The following CPSF6 variants were observed in gnomAD, a reference collection of about 807,000 sequenced individuals.
CPSF6 encodes the protein cleavage and polyadenylation specific factor 6, also known as cleavage and polyadenylation specificity factor subunit 6.
Under a neutral mutation model 56.7 loss-of-function variants are expected in CPSF6, and 10 were observed. The ratio of observed to expected loss-of-function variants is 0.18; its 90% CI spans 0.11 to 0.30. The LOEUF (loss-of-function observed/expected upper bound fraction) is 0.30, where lower values mean the gene tolerates loss of function less well. CPSF6 is among the 10% of genes least tolerant of loss of function. The pLI, the probability that CPSF6 is intolerant of heterozygous loss-of-function variation, is 1.00. For synonymous variants in CPSF6, 248 were observed against 244.8 expected (o/e 1.01, Z -0.12); for missense variants, 419 against 722.9 (o/e 0.58, Z 4.82).
chr12:69,262,517 T>C lies in CPSF6; in HGVS notation c.1614T>C (p.Arg538=). 1 of 1,613,368 alleles carries C rather than the reference T, an allele frequency of 6.2e-7. No homozygotes were observed. Among genetic ancestry groups the C allele is most frequent in the Non-Finnish European group, 8.5e-7 (1 of 1,179,456 alleles). The change falls in exon 9 of 10, where the codon CGT becomes CGC. Residue 538 remains arginine, a synonymous_variant. Coordinates refer to ENST00000435070, the MANE Select transcript of CPSF6 (RefSeq NM_007007.3). ...GGCACCGGGATCGTGACCGAGACCG[T>C]GACCGAGAGCGTGACCGAGAGCGCG... ...RERHRDRDRD[R]DRERDREREY...
chr12:69,239,589 C>CGCGGCGGGCAGACCTGCAGGAGGCG lies in CPSF6; in HGVS notation c.-50_-26dup. On this transcript the variant is annotated 5_prime_UTR_variant, in exon 1 of 10. Coordinates refer to ENST00000435070, the MANE Select transcript of CPSF6 (RefSeq NM_007007.3). ...CCGCCGCTAGATCCGCTGCTGCTGCCGCGGCGGGCAGACCTGCAGGAGGCG... is the reference window on the plus strand; with the variant it reads ...CCGCCGCTAGATCCGCTGCTGCTGCCGCGGCGGGCAGACCTGCAGGAGGCGGCGGCGGGCAGACCTGCAGGAGGCG... The CGCGGCGGGCAGACCTGCAGGAGGCG allele has an allele frequency of 6.6e-7, 1 of 1,513,660 alleles. No individual in the cohort carries two copies. The highest frequency in any genetic ancestry group is 8.8e-7 in the Non-Finnish European group (1 of 1,131,780). The allele number at this position is 1,513,660 out of a possible 1,614,324, so 93.8% of individuals were successfully genotyped here. A position where few individuals can be genotyped will look rare whatever the true frequency, so the allele number is the denominator to read the frequency against.
intron 9 of CPSF6, among the ~76,000 whole-genome samples, chr12:69,266,907 T>C (rs1873016059): frequency 6.6e-6 from 1 of 152,138 alleles, no homozygotes; most frequent in South Asian, 2.1e-4. Context: ...TGAAATGTTT[T>C]GGTAGCAAGA....
Position 69,274,109 on chromosome 12 carries a change from C to CTTTTTTTTTT in CPSF6, c.*4610_*4619dup, listed in dbSNP as rs3051104. On this transcript the variant is annotated 3_prime_UTR_variant, in exon 10 of 10. Transcript: ENST00000435070. ...GTAAGGTGATAATTGATCTAATAGACTTTTTTTTTTTTTTTTTTGCTGTCC... is the reference window on the plus strand; with the variant it reads ...GTAAGGTGATAATTGATCTAATAGACTTTTTTTTTTTTTTTTTTTTTTTTTTTTGCTGTCC... 1.0e-4 allele frequency: 12 copies of CTTTTTTTTTT among 119,084 alleles called. No homozygotes were observed. The highest frequency in any genetic ancestry group is 2.3e-4 in the African/African-American group (7 of 30,600). The allele number at this position is 119,084 out of a possible 1,614,324, so 7.4% of individuals were successfully genotyped here. A position where few individuals can be genotyped will look rare whatever the true frequency, so the allele number is the denominator to read the frequency against.
In CPSF6 at chr12:69,256,837, G is replaced by A; in HGVS notation, c.515G>A (p.Arg172Lys). ...QFLSQFEMQS[R>K]KTTQSGQMSG... ...CTGAGTCAATTTGAAATGCAGTCCAGGAAAAGTAAGCAGTCCTCAGAGGCT... is the reference window on the plus strand; with the variant it reads ...CTGAGTCAATTTGAAATGCAGTCCAAGAAAAGTAAGCAGTCCTCAGAGGCT... The change falls in exon 4 of 10, where the codon AGG (arginine) becomes AAG (lysine). Residue 172 changes from arginine to lysine, a missense_variant. Arg to Lys is a conservative substitution (Grantham distance 26). Around this residue, in one of 4 missense-constraint regions of CPSF6, gnomAD observed 125 missense variants for 216.4 expected, o/e 0.58. Coordinates refer to ENST00000435070, the MANE Select transcript of CPSF6 (RefSeq NM_007007.3). 6.2e-7 allele frequency: 1 copy of A among 1,605,404 alleles called. No individual in the cohort carries two copies. Among genetic ancestry groups the A allele is most frequent in the South Asian group, 1.1e-5 (1 of 89,250 alleles).
intron 9 of CPSF6, 36 bp from the exon 10 acceptor site, chr12:69,269,476 A>G: frequency 2.2e-6 from 1 of 452,320 alleles, no homozygotes; most frequent in Non-Finnish European, 4.4e-6. Flanking sequence ...TTTGGGGAAT[A>G]GCAAAATCTA....
intron 1 of CPSF6, among the ~76,000 whole-genome samples, chr12:69,240,188 C>T (rs534200577): frequency 2.0e-5 from 3 of 152,186 alleles, no homozygotes; most frequent in South Asian, 4.1e-4. Context: ...TTCCTCCCAT[C>T]GCTCCATTTT....
At chr12:69,269,184 G>T (rs780573633) in intron 9 of CPSF6, among the ~76,000 whole-genome samples, 5 of 151,772 alleles carry the variant, frequency 3.3e-5, no homozygotes, top group Non-Finnish European at 4.4e-5. Context: ...TATTTTTGTA[G>T]TATGCATATT....
In CPSF6 at chr12:69,274,003, A is replaced by C. The variant is rs573224144; in HGVS notation, c.*4495A>C. 6.6e-6 allele frequency: 1 copy of C among 152,056 alleles called. No individual in the cohort carries two copies. The highest frequency in any genetic ancestry group is 2.1e-4 in the South Asian group (1 of 4,828). The allele number at this position is 152,056 out of a possible 1,614,324, so 9.4% of individuals were successfully genotyped here. On this transcript the variant is annotated 3_prime_UTR_variant, in exon 10 of 10. Transcript: ENST00000435070. The stretch of plus-strand genomic sequence containing the variant: ...TCACAGTTTGTAAATAATTTGTTTA[A>C]TATCAGAAGGCCAAAGAAAGTCTTA...
rs1319650319 is a variant in CPSF6 at position 69,256,742 on chromosome 12, A to G, written c.420A>G (p.Leu140=). 1.2e-6 allele frequency: 2 copies of G among 1,613,970 alleles called. No homozygotes were observed. Among genetic ancestry groups the G allele is most frequent in the Non-Finnish European group, 8.5e-7 (1 of 1,179,920 alleles). The part of the protein sequence containing the change: ...GVGSEASSKK[L]MDLLPKRELH... ...GATCTGAAGCATCTTCAAAAAAGTT[A>G]ATGGATCTGTTACCTAAAAGAGAAC... is the stretch of plus-strand genomic sequence containing the variant. Residue 140 remains leucine (L), a synonymous_variant, in exon 4 of 10, where the codon TTA becomes TTG. Coordinates refer to ENST00000435070, the MANE Select transcript of CPSF6 (RefSeq NM_007007.3).
intron 1 of CPSF6, among the ~76,000 whole-genome samples, chr12:69,247,129 T>A (rs867838788): frequency 1.4e-5 from 2 of 146,938 alleles, no homozygotes; most frequent in South Asian, 2.2e-4. Flanking sequence ...AGGGAAAAAA[T>A]GTCTAAAAGT....
In CPSF6 at chr12:69,258,866, C is replaced by A; in HGVS notation, c.971C>A (p.Pro324Gln). 6.2e-7 allele frequency: 1 copy of A among 1,614,166 alleles called. No homozygotes were observed. Residue 324 changes from proline (P) to glutamine (Q), a missense_variant, in exon 6 of 10, where the codon CCA becomes CAA. Transcript: ENST00000435070. This position sits in a 1 kb window ranked among gnomAD's most constrained non-coding sequence, Gnocchi z 4.2. ...CCACCTCCACCTCCAGGCCCCTTTC[C>A]ACCTCGTCCACCCGGTCCACTTGGG... is the stretch of plus-strand genomic sequence containing the variant. Reference protein sequence around the residue: ...QGPPPPPGPFPPRPPGPLGPP... With the variant: ...QGPPPPPGPFQPRPPGPLGPP...
chr12:69,246,716 T>C (rs984462774), intron 1 of CPSF6, among the ~76,000 whole-genome samples: 1 of 152,186 alleles, frequency 6.6e-6, no homozygotes, highest in African/African-American at 2.4e-5. Flanking sequence ...AAATGTAACT[T>C]CCCCCCTTCA....
intron 2 of CPSF6, among the ~76,000 whole-genome samples, chr12:69,251,864 T>G (rs932172672): frequency 6.6e-6 from 1 of 152,194 alleles, no homozygotes; most frequent in Non-Finnish European, 1.5e-5. Flanking sequence ...GATTATTGAT[T>G]TAGAGCTTCA....
chr12:69,259,089 T>G lies in CPSF6; in HGVS notation c.1194T>G (p.Pro398=). 6.3e-7 allele frequency: 1 copy of G among 1,598,990 alleles called. No homozygotes were observed. Among genetic ancestry groups the G allele is most frequent in the Non-Finnish European group, 8.5e-7 (1 of 1,178,492 alleles). Residue 398 remains proline (P), a synonymous_variant, in exon 6 of 10, where the codon CCT becomes CCG. Transcript: ENST00000435070. ...ATGATAGGGGTGACTATGGCCCCCC[T>G]GGAAGGTAAGTTAGTGTGTATCTGT... is the stretch of plus-strand genomic sequence containing the variant. ...PPYDRGDYGP[P]GREMDTARTP... is the part of the protein sequence containing the mutation.
chr12:69,253,169 T>TG lies in CPSF6; in HGVS notation c.374+15_374+16insG, dbSNP rs1251082489. 1.5e-6 allele frequency: 2 copies of TG among 1,368,482 alleles called. No individual in the cohort carries two copies. Among genetic ancestry groups the TG allele is most frequent in the Non-Finnish European group, 2.0e-6 (2 of 981,514 alleles). The allele number at this position is 1,368,482 out of a possible 1,614,324, so 84.8% of individuals were successfully genotyped here. A position where few individuals can be genotyped will look rare whatever the true frequency, so the allele number is the denominator to read the frequency against. On this transcript the variant is annotated intron_variant, in intron 3 of 9. Coordinates refer to ENST00000435070, the MANE Select transcript of CPSF6 (RefSeq NM_007007.3). Reference sequence around the variant, plus strand: ...CAGTCAAAGGGGTAAGTTTTTTTTTTCTTTCTTTTTGATTTAGTAGCTAGT... The same window carrying TG: ...CAGTCAAAGGGGTAAGTTTTTTTTTTGCTTTCTTTTTGATTTAGTAGCTAGT...
Position 69,270,819 on chromosome 12 carries a change from G to A in CPSF6, c.*1311G>A, listed in dbSNP as rs888715476. The A allele has an allele frequency of 6.6e-6, 1 of 151,622 alleles. No individual in the cohort carries two copies. The highest frequency in any genetic ancestry group is 2.4e-5 in the African/African-American group (1 of 41,378). 9.4% of individuals were successfully genotyped at this position (151,622 alleles called of 1,614,324 possible). A position where few individuals can be genotyped will look rare whatever the true frequency, so the allele number is the denominator to read the frequency against. ...CAGAGGCAGGGTGTCAACTTGATTA[G>A]GTGTTTTTATGGGAATGTAATTTGA... On this transcript the variant is annotated 3_prime_UTR_variant, in exon 10 of 10. Coordinates refer to ENST00000435070, the MANE Select transcript of CPSF6 (RefSeq NM_007007.3).
In CPSF6 at chr12:69,239,667, C is replaced by T. The variant is rs1871491403; in HGVS notation, c.21C>T (p.His7=). 1.9e-6 allele frequency: 3 copies of T among 1,591,512 alleles called. No individual in the cohort carries two copies. The highest frequency in any genetic ancestry group is 4.7e-5 in the East Asian group (2 of 42,364). The change falls in exon 1 of 10, where the codon CAC becomes CAT. Residue 7 remains histidine, a synonymous_variant. Coordinates refer to ENST00000435070, the MANE Select transcript of CPSF6 (RefSeq NM_007007.3). MADGVD[H]IDIYADVGEE... ...GGAAGATGGCGGACGGCGTGGACCA[C>T]ATAGACATTTACGCGGATGTCGGCG...
intron 1 of CPSF6, among the ~76,000 whole-genome samples, chr12:69,249,988 C>T (rs1364394634): frequency 6.6e-6 from 1 of 152,128 alleles, no homozygotes; most frequent in Non-Finnish European, 1.5e-5. Flanking sequence ...GACTAGATAA[C>T]TAAGAATTCA....
intron 1 of CPSF6, among the ~76,000 whole-genome samples, chr12:69,248,540 T>C (rs1236496691): frequency 6.6e-6 from 1 of 152,228 alleles, no homozygotes; most frequent in Non-Finnish European, 1.5e-5. Context: ...TCAGCCACAC[T>C]GAAACTTCAT....
Sources: allele counts gnomAD v4.1 joint callset (sites outside exome capture counted in the v4.1 genomes callset), GRCh38; gene constraint gnomAD v4.1.1; regional missense constraint gnomAD v4.1.1; non-coding constraint Gnocchi (gnomAD v3.1); transcripts MANE v1.5; gene names NCBI Gene and HGNC (gene_info 2026-07-23, HGNC 2026-07-21).